Variants in NAALADL2 observed in about 807,000 individuals in gnomAD.
The protein encoded by NAALADL2 is inactive N-acetylated-alpha-linked acidic dipeptidase-like protein 2.
A neutral mutation model predicts 87.2 loss-of-function variants in NAALADL2; 76 were observed. The ratio of observed to expected loss-of-function variants is 0.87; its 90% CI spans 0.72 to 1.05. NAALADL2 has a LOEUF of 1.05. Among genes scored for constraint, NAALADL2 ranks in the 50% least tolerant of loss-of-function variants. NAALADL2 has a pLI of 0.00. For missense variants in NAALADL2, 1,089 were observed against 945.8 expected (o/e 1.15, Z -1.99); for synonymous variants, 354 against 331.0 (o/e 1.07, Z -0.75).
chr3:174,709,787 A>G (rs1188825459), intron 2 of NAALADL2, among the ~76,000 whole-genome samples: 4 of 152,188 alleles, frequency 2.6e-5, no homozygotes, highest in Non-Finnish European at 5.9e-5. Context: ...CCAGTTTTGG[A>G]AAAAGAATGT....
chr3:175,418,576 A>T (rs1715084220), intron 5 of NAALADL2, among the ~76,000 whole-genome samples: 1 of 152,130 alleles, frequency 6.6e-6, no homozygotes, highest in Non-Finnish European at 1.5e-5. Context: ...TAAAACCTGT[A>T]ATGTAGCCTA....
At chr3:175,003,997 T>G (rs939565574) in intron 1 of NAALADL2, among the ~76,000 whole-genome samples, 7 of 152,166 alleles carry the variant, frequency 4.6e-5, no homozygotes, top group Admixed American at 1.3e-4. Context: ...TCCTCCCTAG[T>G]GGACCCAGTT....
intron 2 of NAALADL2, among the ~76,000 whole-genome samples, chr3:175,100,003 A>G (rs1721848501): frequency 6.6e-6 from 1 of 150,796 alleles, no homozygotes; most frequent in Non-Finnish European, 1.5e-5. Context: ...ATTTATACAA[A>G]ATATTATGAA....
intron 2 of NAALADL2, among the ~76,000 whole-genome samples, chr3:174,561,493 C>A (rs891772091): frequency 1.3e-5 from 2 of 152,116 alleles, no homozygotes; most frequent in African/African-American, 2.4e-5. Flanking sequence ...AGCCACCATG[C>A]CGGGCCACAG....
intron 2 of NAALADL2, among the ~76,000 whole-genome samples, chr3:175,212,684 C>T (rs1380182170): frequency 6.6e-6 from 1 of 151,802 alleles, no homozygotes; most frequent in African/African-American, 2.4e-5. Context: ...TCTCTTAACT[C>T]AGCATTGATT....
intron 12 of NAALADL2, among the ~76,000 whole-genome samples, chr3:175,739,793 C>G (rs909497088): frequency 9.9e-5 from 15 of 152,146 alleles, no homozygotes; most frequent in Admixed American, 3.3e-4. Context: ...CATACATTCC[C>G]ATAGTGGAAC....
At position 174,729,067 on chromosome 3, in the gene NAALADL2, C is replaced by A. The variant is rs149444927; in HGVS notation, c.-114-8574C>A. Among the ~76,000 whole-genome samples the A allele has an allele frequency of 5.1e-3, 771 of 152,096 alleles. 9 individuals carry two copies. The highest frequency in any genetic ancestry group is 0.018 in the African/African-American group (741 of 41,534). The stretch of plus-strand genomic sequence containing the variant: ...TGAGAATACCATTTATTTCCATAGT[C>A]AATCTTAATAAAATCAACTAACTTA... On this transcript the variant is annotated intron_variant, in intron 2 of 3. Transcript: ENST00000434257.
intron 1 of NAALADL2, among the ~76,000 whole-genome samples, chr3:174,867,071 T>C (rs1727236273): frequency 6.6e-6 from 1 of 151,870 alleles, no homozygotes. Flanking sequence ...GGTATGTAGG[T>C]AATAGAATGT....
intron 3 of NAALADL2, among the ~76,000 whole-genome samples, chr3:174,739,486 T>G (rs1733550659): frequency 6.6e-6 from 1 of 152,122 alleles, no homozygotes; most frequent in Non-Finnish European, 1.5e-5. Flanking sequence ...GTCTTTTTTC[T>G]TACCTTTATT....
intron 2 of NAALADL2, among the ~76,000 whole-genome samples, chr3:175,188,884 T>G (rs1325355400): frequency 6.7e-6 from 1 of 150,148 alleles, no homozygotes; most frequent in Non-Finnish European, 1.5e-5. Flanking sequence ...TGCCCTGATC[T>G]CCAGGACCCA....
intron 13 of NAALADL2, among the ~76,000 whole-genome samples, chr3:175,795,335 A>T (rs1160583513): frequency 6.6e-6 from 1 of 152,142 alleles, no homozygotes; most frequent in Non-Finnish European, 1.5e-5. Flanking sequence ...TTTACTAATG[A>T]TATCTCCTGA....
chr3:175,559,834 G>C (rs931386447), intron 9 of NAALADL2, among the ~76,000 whole-genome samples: 5 of 152,140 alleles, frequency 3.3e-5, no homozygotes, highest in African/African-American at 1.2e-4. Flanking sequence ...AATGTTATTT[G>C]CTAGTGTTTT....
intron 3 of NAALADL2, among the ~76,000 whole-genome samples, chr3:174,764,679 C>G (rs964119800): frequency 6.6e-6 from 1 of 152,120 alleles, no homozygotes; most frequent in Non-Finnish European, 1.5e-5. Flanking sequence ...ATTTGAAGAT[C>G]AAGATTGAAA....
chr3:175,443,675 T>A (rs1200259719), intron 5 of NAALADL2, among the ~76,000 whole-genome samples: 1 of 152,204 alleles, frequency 6.6e-6, no homozygotes, highest in African/African-American at 2.4e-5. Context: ...AAACAATTGT[T>A]GATTCTTTTT....
intron 2 of NAALADL2, among the ~76,000 whole-genome samples, chr3:175,137,855 C>T (rs979646976): frequency 6.6e-6 from 1 of 151,906 alleles, no homozygotes; most frequent in Non-Finnish European, 1.5e-5. Context: ...AACTCCTGAC[C>T]TCAGATGATC....
At chr3:174,459,782 C>T (rs547367349) in intron 1 of NAALADL2, 2 of 152,166 alleles carry the variant, frequency 1.3e-5, no homozygotes, top group African/African-American at 4.8e-5. Context: ...CCAGTCTTGC[C>T]TTTTGTTCAT....
At chr3:175,230,629 T>A (rs1449694877) in intron 2 of NAALADL2, among the ~76,000 whole-genome samples, 1 of 152,102 alleles carries the variant, frequency 6.6e-6, no homozygotes. Context: ...AAAGGAAGCC[T>A]TGGAAAACTA....
intron 3 of NAALADL2, among the ~76,000 whole-genome samples, chr3:174,740,977 C>T (rs953154084): frequency 2.0e-5 from 3 of 151,452 alleles, no homozygotes; most frequent in African/African-American, 7.3e-5. Flanking sequence ...TTTTATTTTC[C>T]TTAAGAGGTA....
intron 3 of NAALADL2, among the ~76,000 whole-genome samples, chr3:174,755,214 G>A (rs994500631): frequency 2.6e-5 from 4 of 152,104 alleles, no homozygotes; most frequent in African/African-American, 9.7e-5. Context: ...GAAAGTGCCT[G>A]GCTTCCCCTT....
Sources: allele counts gnomAD v4.1 joint callset (sites outside exome capture counted in the v4.1 genomes callset), GRCh38; gene constraint gnomAD v4.1.1; transcripts MANE v1.5; gene names NCBI Gene and HGNC (gene_info 2026-07-23, HGNC 2026-07-21).